Variants in SPOCK3 observed in about 807,000 individuals in gnomAD.
SPOCK3 encodes the protein SPARC (osteonectin), cwcv and kazal like domains proteoglycan 3.
Under a neutral mutation model 56.6 loss-of-function variants are expected in SPOCK3, and 30 were observed. The observed-to-expected ratio is 0.53, with a 90% CI of 0.40 to 0.72. The LOEUF is 0.72. Among genes scored for constraint, SPOCK3 ranks in the 30% least tolerant of loss-of-function variants. The pLI, the probability that SPOCK3 is intolerant of heterozygous loss-of-function variation, is 0.00. For synonymous variants in SPOCK3, 196 were observed against 183.3 expected, an observed-to-expected ratio of 1.07 and a Z score of -0.56; for missense variants, 527 against 530.0, an observed-to-expected ratio of 0.99 and a Z score of 0.06.
intron 2 of SPOCK3, among the ~76,000 whole-genome samples, chr4:167,205,764 C>T (rs1191353015): frequency 6.7e-6 from 1 of 148,394 alleles, no homozygotes; most frequent in Non-Finnish European, 1.5e-5. Context: ...AGGCGCGCCA[C>T]CATGCCTGGC....
At chr4:166,976,807 T>C (rs1745998346) in intron 4 of SPOCK3, among the ~76,000 whole-genome samples, 1 of 152,078 alleles carries the variant, frequency 6.6e-6, no homozygotes, top group African/African-American at 2.4e-5. Context: ...AATCTAGCCA[T>C]TAAATTCTAA....
At chr4:167,045,144 C>G (rs1319735528) in intron 3 of SPOCK3, among the ~76,000 whole-genome samples, 1 of 152,024 alleles carries the variant, frequency 6.6e-6, no homozygotes, top group African/African-American at 2.4e-5. Context: ...TATGTAATGT[C>G]CCTCTTTGTC....
chr4:167,037,340 G>T (rs559334346), intron 3 of SPOCK3, among the ~76,000 whole-genome samples: 26 of 152,066 alleles, frequency 1.7e-4, no homozygotes, highest in African/African-American at 6.3e-4. Flanking sequence ...AAATTAGCCC[G>T]GCGTGGTGGG....
intron 2 of SPOCK3, among the ~76,000 whole-genome samples, chr4:167,187,879 T>C (rs1269861606): frequency 2.6e-5 from 4 of 152,144 alleles, no homozygotes; most frequent in African/African-American, 9.7e-5. Context: ...GTGCCTTAGA[T>C]AATGTACAAA....
chr4:166,775,137 A>G (rs1364218270), intron 7 of SPOCK3, among the ~76,000 whole-genome samples: 2 of 152,134 alleles, frequency 1.3e-5, no homozygotes, highest in African/African-American at 4.8e-5. Context: ...AGGTAGAAGG[A>G]AGAGGAAGAG....
At chr4:166,800,183 G>GAAAAAAAAAAAAAAAAAAAAAAAA (rs367811359) in intron 6 of SPOCK3, among the ~76,000 whole-genome samples, 34 of 51,772 alleles carry the variant, frequency 6.6e-4, no homozygotes, top group African/African-American at 1.7e-3. Flanking sequence ...CTCCATCTCA[G>GAAAAAAAAAAAAAAAAAAAAAAAA]AAAAAAAAAA....
At chr4:167,030,988 T>C (rs1752227884) in intron 3 of SPOCK3, among the ~76,000 whole-genome samples, 1 of 152,074 alleles carries the variant, frequency 6.6e-6, no homozygotes, top group Admixed American at 6.6e-5. Context: ...TTAAAATTTT[T>C]CTCTCATCAT....
intron 2 of SPOCK3, among the ~76,000 whole-genome samples, chr4:167,170,693 T>C (rs899254644): frequency 7.2e-5 from 11 of 152,142 alleles, no homozygotes; most frequent in African/African-American, 2.7e-4. Context: ...TGTTAGTCTC[T>C]ATCAAGTTTT....
chr4:167,185,969 A>T (rs1173362700), intron 2 of SPOCK3, among the ~76,000 whole-genome samples: 1 of 152,228 alleles, frequency 6.6e-6, no homozygotes, highest in Non-Finnish European at 1.5e-5. Context: ...GTACCCTCAA[A>T]TATAACATAT....
chr4:167,014,142 T>C (rs1215829735), intron 3 of SPOCK3, among the ~76,000 whole-genome samples: 1 of 152,154 alleles, frequency 6.6e-6, no homozygotes, highest in African/African-American at 2.4e-5. Flanking sequence ...TCCTGGAGGA[T>C]CTCTGGCCCA....
chr4:166,737,416 C>A, intron 10 of SPOCK3, 51 bp downstream of exon 10: 3 of 1,565,220 alleles, frequency 1.9e-6, no homozygotes, highest in South Asian at 2.4e-5. Context: ...GGCTCTAAAG[C>A]ACTTAATTCT....
intron 2 of SPOCK3, among the ~76,000 whole-genome samples, chr4:167,162,409 C>A (rs530835670): frequency 3.3e-5 from 5 of 152,128 alleles, no homozygotes; most frequent in Non-Finnish European, 5.9e-5. Flanking sequence ...ACTTGAACAA[C>A]ACTCTTTCAA....
intron 6 of SPOCK3, among the ~76,000 whole-genome samples, chr4:166,865,077 T>C: frequency 6.6e-6 from 1 of 152,090 alleles, no homozygotes; most frequent in East Asian, 1.9e-4. Context: ...TCAAAAAGCT[T>C]ATCCACCACA....
chr4:167,228,883 T>C (rs1179880832), intron 2 of SPOCK3, among the ~76,000 whole-genome samples: 1 of 152,136 alleles, frequency 6.6e-6, no homozygotes, highest in Non-Finnish European at 1.5e-5. Flanking sequence ...TACTGCATGC[T>C]ACAGTCTTCA....
At chr4:167,074,396 T>C (rs1277734242) in intron 2 of SPOCK3, among the ~76,000 whole-genome samples, 1 of 151,912 alleles carries the variant, frequency 6.6e-6, no homozygotes, top group Admixed American at 6.6e-5. Flanking sequence ...TCTTCTGAAG[T>C]CTTGACCAAT....
At chr4:166,944,421 C>T (rs1375501902) in intron 4 of SPOCK3, among the ~76,000 whole-genome samples, 1 of 152,078 alleles carries the variant, frequency 6.6e-6, no homozygotes, top group Non-Finnish European at 1.5e-5. Context: ...TGCTCATTGT[C>T]CCGATAATGT....
chr4:167,142,446 GA>G (rs927467337), intron 2 of SPOCK3, among the ~76,000 whole-genome samples: 4 of 150,594 alleles, frequency 2.7e-5, no homozygotes, highest in African/African-American at 4.9e-5. Flanking sequence ...GCAGCCACGA[GA>G]AAAAAAAATC....
rs72621918 is a variant in SPOCK3 at position 167,172,448 on chromosome 4, G to A, written c.189+61537C>T. Among the ~76,000 whole-genome samples the A allele has an allele frequency of 9.9e-4, 151 of 152,244 alleles. No homozygotes were observed. The East Asian group carries it at 0.022, about 22-fold the overall frequency. ...AAAAGCTGCCCAATCCAATGTTTAT[G>A]TATATAAACTGACAACCAACCATTC... On this transcript the variant is annotated intron_variant, in intron 2 of 10. Transcript: ENST00000357545.
chr4:167,094,535 T>C (rs890711743), intron 2 of SPOCK3, among the ~76,000 whole-genome samples: 6 of 152,090 alleles, frequency 3.9e-5, no homozygotes, highest in Non-Finnish European at 7.4e-5. Flanking sequence ...ATCATATCAA[T>C]TAATGCTGAA....
Sources: allele counts gnomAD v4.1 joint callset (sites outside exome capture counted in the v4.1 genomes callset), GRCh38; gene constraint gnomAD v4.1.1; transcripts MANE v1.5; gene names NCBI Gene and HGNC (gene_info 2026-07-23, HGNC 2026-07-21).